The following GULP1 variants were observed in gnomAD, a reference collection of about 807,000 sequenced individuals.
GULP1 encodes GULP PTB domain containing engulfment adaptor 1.
A neutral mutation model predicts 40.9 loss-of-function variants in GULP1; 19 were observed. The observed-to-expected ratio is 0.46, with a 90% confidence interval of 0.32 to 0.68. GULP1 has a LOEUF of 0.68. Among genes scored for constraint, GULP1 ranks in the 30% least tolerant of loss-of-function variants. The pLI, the probability that GULP1 is intolerant of heterozygous loss-of-function variation, is 0.03. For synonymous variants in GULP1, 119 were observed against 117.6 expected, an observed-to-expected ratio of 1.01 and a Z score of -0.08; for missense variants, 312 against 362.2, an observed-to-expected ratio of 0.86 and a Z score of 1.12.
At chr2:188,298,026 A>C (rs937996557) in intron 1 of GULP1, among the ~76,000 whole-genome samples, 3 of 152,146 alleles carry the variant, frequency 2.0e-5, no homozygotes, top group Non-Finnish European at 2.9e-5. Context: ...GAATTAAAAC[A>C]TAGGGTTATA....
At chr2:188,300,908 C>G (rs2036018056) in intron 1 of GULP1, among the ~76,000 whole-genome samples, 1 of 152,132 alleles carries the variant, frequency 6.6e-6, no homozygotes, top group South Asian at 2.1e-4. Context: ...GTCTTTCAGT[C>G]TCTTTCTGGC....
chr2:188,504,458 A>G (rs1004806542), intron 4 of GULP1, among the ~76,000 whole-genome samples: 3 of 151,926 alleles, frequency 2.0e-5, no homozygotes, highest in African/African-American at 7.2e-5. Context: ...TGTTGTTATA[A>G]CAATTATAAA....
intron 2 of GULP1, among the ~76,000 whole-genome samples, chr2:188,422,240 T>C (rs947524760): frequency 6.6e-6 from 1 of 151,792 alleles, no homozygotes; most frequent in African/African-American, 2.4e-5. Context: ...TTCATAATTT[T>C]TTAAAAGTGC....
chr2:188,440,167 A>G (rs945783906), intron 2 of GULP1, among the ~76,000 whole-genome samples: 2 of 152,222 alleles, frequency 1.3e-5, no homozygotes, highest in Non-Finnish European at 2.9e-5. Context: ...ATAAAGAAAC[A>G]TGATTCACAG....
rs944492483 is a variant in GULP1 at position 188,587,964 on chromosome 2, A to G, written c.843+15A>G. 6 of 1,200,674 alleles carry G rather than the reference A, an allele frequency of 5.0e-6. No homozygotes were observed. The highest frequency in any genetic ancestry group is 1.7e-5 in the Admixed American group (1 of 59,538). 74.4% of individuals were successfully genotyped at this position (1,200,674 alleles called of 1,614,324 possible). ...ATGAGATGCAGGTGACTATTTTGATAGACTGGCCCATAAATGATTTATTTC... is the reference window on the plus strand; with the variant it reads ...ATGAGATGCAGGTGACTATTTTGATGGACTGGCCCATAAATGATTTATTTC... On this transcript the variant is annotated intron_variant, in intron 11 of 11. Transcript: ENST00000409830.
chr2:188,342,017 T>G (rs934336612), intron 1 of GULP1, among the ~76,000 whole-genome samples: 10 of 152,244 alleles, frequency 6.6e-5, no homozygotes, highest in African/African-American at 2.4e-4. Flanking sequence ...CAGATATATT[T>G]GAGATTTTAT....
At chr2:188,426,732 G>A (rs2056250443) in intron 2 of GULP1, among the ~76,000 whole-genome samples, 1 of 152,138 alleles carries the variant, frequency 6.6e-6, no homozygotes, top group Admixed American at 6.5e-5. Context: ...AGCAATGTGA[G>A]AACAGACTAA....
chr2:188,309,369 G>A (rs886461562), intron 1 of GULP1, among the ~76,000 whole-genome samples: 1 of 152,104 alleles, frequency 6.6e-6, no homozygotes, highest in Non-Finnish European at 1.5e-5. Context: ...AGGAGGCTGA[G>A]GTGGGAGGAC....
At chr2:188,502,626 A>T (rs1249256998) in intron 4 of GULP1, among the ~76,000 whole-genome samples, 1 of 151,902 alleles carries the variant, frequency 6.6e-6, no homozygotes, top group East Asian at 1.9e-4. Flanking sequence ...AATGTGTGAC[A>T]CAGAGTAGGT....
chr2:188,393,862 G>A (rs1374872560), intron 2 of GULP1, among the ~76,000 whole-genome samples: 2 of 152,156 alleles, frequency 1.3e-5, no homozygotes, highest in African/African-American at 4.8e-5. Context: ...AGTCCCTCCT[G>A]CCTGGTAAGG....
chr2:188,322,791 A>G (rs2040179713), intron 1 of GULP1, among the ~76,000 whole-genome samples: 2 of 152,044 alleles, frequency 1.3e-5, no homozygotes, highest in African/African-American at 4.8e-5. Context: ...TACTTCCCTG[A>G]CCCTGACTTT....
At chr2:188,550,419 TTTTC>T (rs1693155484) in intron 7 of GULP1, among the ~76,000 whole-genome samples, 2 of 151,786 alleles carry the variant, frequency 1.3e-5, no homozygotes, top group African/African-American at 4.8e-5. Flanking sequence ...ATTATTTTGA[TTTTC>T]TTTATTTTTC....
chr2:188,359,744 T>G (rs150292632), intron 1 of GULP1, among the ~76,000 whole-genome samples: 5 of 152,288 alleles, frequency 3.3e-5, no homozygotes, highest in African/African-American at 1.2e-4. Context: ...AATAACTGAT[T>G]GCTCGTTTTT....
intron 1 of GULP1, among the ~76,000 whole-genome samples, chr2:188,317,159 G>A (rs1376154493): frequency 6.6e-6 from 1 of 152,042 alleles, no homozygotes; most frequent in Non-Finnish European, 1.5e-5. Flanking sequence ...GCACAATCTG[G>A]CCTCAGCCAC....
intron 1 of GULP1, among the ~76,000 whole-genome samples, chr2:188,303,967 G>A (rs1475531954): frequency 1.3e-5 from 2 of 152,116 alleles, no homozygotes; most frequent in Non-Finnish European, 2.9e-5. Flanking sequence ...TTGTCCTGGG[G>A]CCCCCCTCTG....
At chr2:188,403,447 C>G (rs558171129) in intron 2 of GULP1, among the ~76,000 whole-genome samples, 1 of 152,138 alleles carries the variant, frequency 6.6e-6, no homozygotes, top group Non-Finnish European at 1.5e-5. Context: ...TTTGGTATCC[C>G]CTTTTATAAT....
intron 2 of GULP1, among the ~76,000 whole-genome samples, chr2:188,464,743 G>A (rs1020595552): frequency 3.3e-5 from 5 of 151,914 alleles, no homozygotes; most frequent in African/African-American, 1.2e-4. Context: ...TCCCATTTTT[G>A]CCTCCCCTTT....
At chr2:188,411,975 A>G (rs571087972) in intron 2 of GULP1, among the ~76,000 whole-genome samples, 12 of 152,210 alleles carry the variant, frequency 7.9e-5, no homozygotes, top group African/African-American at 2.4e-4. Context: ...CTGTGAACTG[A>G]TCATAGGGAA....
At chr2:188,311,458 A>C (rs901134693) in intron 1 of GULP1, among the ~76,000 whole-genome samples, 8 of 152,104 alleles carry the variant, frequency 5.3e-5, no homozygotes, top group African/African-American at 1.9e-4. Context: ...GGCCTCCCAA[A>C]GTGCTGGGAT....
Sources: allele counts gnomAD v4.1 joint callset (sites outside exome capture counted in the v4.1 genomes callset), GRCh38; gene constraint gnomAD v4.1.1; transcripts MANE v1.5; gene names NCBI Gene and HGNC (gene_info 2026-07-23, HGNC 2026-07-21).